The following USP32 variants were observed in gnomAD, a reference collection of about 807,000 sequenced individuals.
USP32 encodes the protein ubiquitin specific peptidase 32.
Under a neutral mutation model 204.8 loss-of-function variants are expected in USP32, and 59 were observed. The ratio of observed to expected loss-of-function variants is 0.29; its 90% CI spans 0.23 to 0.36. USP32 has a LOEUF of 0.36. USP32 is among the 10% of genes least tolerant of loss of function. The probability of loss-of-function intolerance (pLI) is 1.00; values close to 1 mark genes in which losing one functional copy is unlikely to be tolerated. For missense variants in USP32, 1,160 were observed against 1,946.4 expected, an observed-to-expected ratio of 0.60 and a Z score of 7.60; for synonymous variants, 517 against 678.4, an observed-to-expected ratio of 0.76 and a Z score of 3.70.
intron 15 of USP32, among the ~76,000 whole-genome samples, chr17:60,220,226 C>T (rs1036567298): frequency 5.9e-5 from 9 of 152,074 alleles, no homozygotes; most frequent in Non-Finnish European, 1.3e-4. Flanking sequence ...ATGCTGCCAT[C>T]TAAAGTTTAG....
chr17:60,331,182 A>AGT (rs1219799606), intron 2 of USP32, among the ~76,000 whole-genome samples: 1 of 152,234 alleles, frequency 6.6e-6, no homozygotes, highest in Non-Finnish European at 1.5e-5. Flanking sequence ...TTTCCTAAAT[A>AGT]GTGTTAAGTA....
At chr17:60,187,783 T>C (rs1318849806) in intron 29 of USP32, among the ~76,000 whole-genome samples, 1 of 152,234 alleles carries the variant, frequency 6.6e-6, no homozygotes, top group African/African-American at 2.4e-5. Context: ...CCTTTACCTC[T>C]TGGGATCTAC....
intron 1 of USP32, among the ~76,000 whole-genome samples, chr17:60,407,154 G>A (rs1342858543): frequency 1.3e-5 from 2 of 152,296 alleles, no homozygotes; most frequent in East Asian, 1.9e-4. Context: ...CACTGAGGAC[G>A]CACAGATTGG....
intron 2 of USP32, among the ~76,000 whole-genome samples, chr17:60,343,989 A>G (rs987554784): frequency 1.3e-5 from 2 of 151,998 alleles, no homozygotes; most frequent in Non-Finnish European, 2.9e-5. Context: ...AGCCAAGACC[A>G]TGCCATTGCA....
chr17:60,412,411 C>A (rs952955203), intron 1 of USP32, among the ~76,000 whole-genome samples: 1 of 137,174 alleles, frequency 7.3e-6, no homozygotes, highest in South Asian at 2.7e-4. Context: ...GGAATGGGGG[C>A]GGTGGGGCGG....
chr17:60,226,883 A>G (rs1199515587), intron 12 of USP32, among the ~76,000 whole-genome samples: 9 of 151,858 alleles, frequency 5.9e-5, no homozygotes, highest in Non-Finnish European at 4.4e-5. Flanking sequence ...ATCTCTACTA[A>G]AAATACAAAA....
intron 1 of USP32, among the ~76,000 whole-genome samples, chr17:60,357,522 A>AAAAAAT (rs1051678869): frequency 6.6e-6 from 1 of 152,104 alleles, no homozygotes; most frequent in Non-Finnish European, 1.5e-5. Context: ...CCTGTCTCTT[A>AAAAAAT]AAAAATAAAA....
chr17:60,187,917 T>A lies in USP32; in HGVS notation c.3643-2266A>T, dbSNP rs117606136. ...ACAGGAAATGAAGTAATAGTTTTCA[T>A]AGAAGACTATTGAAAAAAAGAGAGT... On this transcript the variant is annotated intron_variant, in intron 29 of 33. Coordinates refer to ENST00000300896, the MANE Select transcript of USP32 (RefSeq NM_032582.4). Among the ~76,000 whole-genome samples the A allele has an allele frequency of 1.2e-3, 183 of 152,350 alleles. 2 individuals carry two copies. In the East Asian group the frequency reaches 0.033, roughly 27 times the overall value.
chr17:60,311,881 T>C (rs935920585), intron 2 of USP32, among the ~76,000 whole-genome samples: 1 of 150,718 alleles, frequency 6.6e-6, no homozygotes, highest in African/African-American at 2.4e-5. Context: ...TTAGAAACAG[T>C]TGTAGCATGT....
At chr17:60,257,733 C>G (rs1006471721) in intron 9 of USP32, among the ~76,000 whole-genome samples, 1 of 151,998 alleles carries the variant, frequency 6.6e-6, no homozygotes, top group Non-Finnish European at 1.5e-5. Context: ...ATCCTCCTAC[C>G]TTGGCCTCCC....
intron 1 of USP32, among the ~76,000 whole-genome samples, chr17:60,422,089 A>C (rs2090125815): frequency 6.6e-6 from 1 of 152,090 alleles, no homozygotes; most frequent in Admixed American, 6.6e-5. Flanking sequence ...GTGCTGGCTC[A>C]CTGTGTCCCT....
At chr17:60,202,306 CAT>C (rs1206929974) in intron 26 of USP32, among the ~76,000 whole-genome samples, 1 of 152,174 alleles carries the variant, frequency 6.6e-6, no homozygotes, top group Non-Finnish European at 1.5e-5. Context: ...TTTTAAATAT[CAT>C]ATCTTTGTGA....
chr17:60,313,754 C>T (rs73993252), intron 2 of USP32, among the ~76,000 whole-genome samples: 6,742 of 152,000 alleles, frequency 0.044, 535 homozygotes, highest in African/African-American at 0.15. Context: ...CTCACCATTA[C>T]AAAGCTTTAA....
chr17:60,367,338 T>C (rs1270587504), intron 1 of USP32, among the ~76,000 whole-genome samples: 7 of 152,074 alleles, frequency 4.6e-5, no homozygotes, highest in Non-Finnish European at 1.0e-4. Flanking sequence ...TGAGACCTTG[T>C]CTCTACTAAA....
intron 1 of USP32, among the ~76,000 whole-genome samples, chr17:60,412,527 C>T (rs549265725): frequency 4.0e-5 from 6 of 148,268 alleles, no homozygotes; most frequent in African/African-American, 1.5e-4. Context: ...AGAGTGATAC[C>T]CTGTTTCAAA....
At chr17:60,329,876 T>C (rs1316074832) in intron 2 of USP32, among the ~76,000 whole-genome samples, 3 of 152,210 alleles carry the variant, frequency 2.0e-5, no homozygotes, top group Non-Finnish European at 4.4e-5. Flanking sequence ...GAACATACCT[T>C]GTCTATTTAG....
At chr17:60,319,097 T>G (rs1049994322) in intron 2 of USP32, among the ~76,000 whole-genome samples, 4 of 152,142 alleles carry the variant, frequency 2.6e-5, no homozygotes, top group African/African-American at 9.7e-5. Flanking sequence ...GGGGAAGGGG[T>G]TGGGAGCATT....
At position 60,269,547 on chromosome 17, in the gene USP32, A is replaced by T; in HGVS notation, c.714T>A (p.Asn238Lys). Residue 238 changes from asparagine to lysine, a missense_variant, in exon 7 of 34, where the codon AAT (asparagine) becomes AAA (lysine). This residue lies in a region of USP32 where 536 missense variants were observed against 680.9 expected (regional missense o/e 0.79). Coordinates refer to ENST00000300896, the MANE Select transcript of USP32 (RefSeq NM_032582.4). ...GATTGTCACGATTTTCATCAAAAGCATTAAACAAACCTGTAAAATAGGAAG... is the reference window on the plus strand; with the variant it reads ...GATTGTCACGATTTTCATCAAAAGCTTTAAACAAACCTGTAAAATAGGAAG... ...IRPSLSEGLF[N>K]AFDENRDNHI... 6.2e-7 allele frequency: 1 copy of T among 1,608,998 alleles called. No homozygotes were observed. The highest frequency in any genetic ancestry group is 8.5e-7 in the Non-Finnish European group (1 of 1,178,420).
intron 5 of USP32, among the ~76,000 whole-genome samples, chr17:60,282,262 A>T (rs909354509): frequency 2.6e-5 from 4 of 152,230 alleles, no homozygotes; most frequent in African/African-American, 9.6e-5. Flanking sequence ...TAGCTAACCA[A>T]AAGTTTTAGA....
Sources: allele counts gnomAD v4.1 joint callset (sites outside exome capture counted in the v4.1 genomes callset), GRCh38; gene constraint gnomAD v4.1.1; regional missense constraint gnomAD v4.1.1; transcripts MANE v1.5; gene names NCBI Gene and HGNC (gene_info 2026-07-23, HGNC 2026-07-21).